Variants in ASCC3 observed in about 807,000 individuals in gnomAD.
ASCC3 encodes ASC-1 complex subunit P200.
Under a neutral mutation model 256.3 loss-of-function variants are expected in ASCC3, and 158 were observed. That is an observed-to-expected ratio of 0.62 (90% confidence interval 0.54 to 0.70). ASCC3 has a LOEUF of 0.70. Ranked by LOEUF, ASCC3 falls within the 30% of genes least tolerant of loss-of-function variation. ASCC3 has a pLI of 0.00. For synonymous variants in ASCC3, 948 were observed against 883.4 expected, an observed-to-expected ratio of 1.07 and a Z score of -1.30; for missense variants, 2,259 against 2,626.0, an observed-to-expected ratio of 0.86 and a Z score of 3.05.
intron 15 of ASCC3, 128 bp downstream of exon 15, chr6:100,662,217 G>A: frequency 8.6e-7 from 1 of 1,162,538 alleles, no homozygotes; most frequent in Non-Finnish European, 1.2e-6. Context: ...AAATAATTCT[G>A]ACCTTTTATA....
intron 4 of ASCC3, among the ~76,000 whole-genome samples, chr6:100,820,973 G>C (rs1771010976): frequency 6.6e-6 from 1 of 152,112 alleles, no homozygotes; most frequent in Non-Finnish European, 1.5e-5. Context: ...AGCAAGTTTT[G>C]GCAAGGATGT....
intron 10 of ASCC3, among the ~76,000 whole-genome samples, chr6:100,734,524 T>G (rs1780055348): frequency 6.6e-6 from 1 of 152,146 alleles, no homozygotes; most frequent in South Asian, 2.1e-4. Context: ...AATTTTCTCA[T>G]CTGTAAAATG....
chr6:100,776,586 T>A (rs1379983951), intron 8 of ASCC3, among the ~76,000 whole-genome samples: 1 of 152,066 alleles, frequency 6.6e-6, no homozygotes, highest in Non-Finnish European at 1.5e-5. Context: ...CCATAGAAAG[T>A]GTATGTTTTG....
chr6:100,850,308 G>C (rs1772603770), intron 3 of ASCC3, among the ~76,000 whole-genome samples: 1 of 151,924 alleles, frequency 6.6e-6, no homozygotes, highest in Non-Finnish European at 1.5e-5. Context: ...CCCACTCTAT[G>C]CCTATTTCTA....
chr6:100,752,082 T>C (rs539965684), intron 10 of ASCC3, among the ~76,000 whole-genome samples: 46 of 152,278 alleles, frequency 3.0e-4, no homozygotes, highest in African/African-American at 1.1e-3. Flanking sequence ...AGAACAGCTG[T>C]GCTTTTCCAG....
intron 8 of ASCC3, among the ~76,000 whole-genome samples, chr6:100,774,244 A>C (rs1782073667): frequency 6.6e-6 from 1 of 152,202 alleles, no homozygotes; most frequent in East Asian, 1.9e-4. Context: ...TGCAACCTCA[A>C]ACTTCTGGGG....
intron 10 of ASCC3, among the ~76,000 whole-genome samples, chr6:100,743,505 G>C (rs1582795682): frequency 6.6e-6 from 1 of 152,076 alleles, no homozygotes; most frequent in East Asian, 1.9e-4. Flanking sequence ...TATCAAAACA[G>C]GCCACCTTTT....
intron 1 of ASCC3, among the ~76,000 whole-genome samples, chr6:100,880,104 T>C (rs577776804): frequency 6.6e-6 from 1 of 152,164 alleles, no homozygotes; most frequent in African/African-American, 2.4e-5. Context: ...AGCTGAACCA[T>C]GAAAAATTAA....
Position 100,696,028 on chromosome 6 carries a change from T to C in ASCC3, c.2152-16276A>G, listed in dbSNP as rs528975828. Reference sequence around the variant, plus strand: ...ACTGTATTTCTGGAGCAGTTACTAATTTAAATGATGGGCTATTTAGAAATG... The same window carrying C: ...ACTGTATTTCTGGAGCAGTTACTAACTTAAATGATGGGCTATTTAGAAATG... On this transcript the variant is annotated intron_variant, in intron 13 of 41. Transcript: ENST00000369162. 3.7e-3 allele frequency among the ~76,000 whole-genome samples: 556 copies of C among 152,304 alleles called. 4 individuals are homozygous for C. The highest frequency in any genetic ancestry group is 0.013 in the African/African-American group (543 of 41,568).
intron 10 of ASCC3, among the ~76,000 whole-genome samples, chr6:100,752,863 A>G (rs1358179661): frequency 6.6e-6 from 1 of 152,210 alleles, no homozygotes; most frequent in Admixed American, 6.5e-5. Flanking sequence ...ATGTAGAAAA[A>G]TATGAGAGTA....
chr6:100,639,774 G>A (rs182711414), intron 24 of ASCC3, among the ~76,000 whole-genome samples: 7 of 152,168 alleles, frequency 4.6e-5, no homozygotes, highest in South Asian at 2.1e-4. Flanking sequence ...GAGGGCTAAC[G>A]ACATACTTTC....
intron 33 of ASCC3, among the ~76,000 whole-genome samples, chr6:100,603,123 C>T (rs1363126188): frequency 6.6e-6 from 1 of 151,682 alleles, no homozygotes; most frequent in Non-Finnish European, 1.5e-5. Context: ...CAACGTTATA[C>T]ATAAGAGGAG....
chr6:100,593,211 CACA>C (rs1175904732), intron 34 of ASCC3, among the ~76,000 whole-genome samples: 1 of 152,014 alleles, frequency 6.6e-6, no homozygotes, highest in Non-Finnish European at 1.5e-5. Context: ...GCTGTTTGAA[CACA>C]ACAATTACTA....
At chr6:100,611,428 C>A (rs1203132140) in intron 30 of ASCC3, among the ~76,000 whole-genome samples, 1 of 151,942 alleles carries the variant, frequency 6.6e-6, no homozygotes, top group African/African-American at 2.4e-5. Context: ...AAATAAGTTT[C>A]ATCTTGATCA....
intron 4 of ASCC3, among the ~76,000 whole-genome samples, chr6:100,824,645 T>C (rs1296674759): frequency 3.3e-5 from 5 of 152,220 alleles, no homozygotes; most frequent in Admixed American, 3.3e-4. Flanking sequence ...CCCTGTTCAA[T>C]AATTTTATCA....
At chr6:100,535,123 T>C (rs1056259704) in intron 37 of ASCC3, among the ~76,000 whole-genome samples, 3 of 152,206 alleles carry the variant, frequency 2.0e-5, no homozygotes, top group Non-Finnish European at 4.4e-5. Flanking sequence ...TATGGCCTTA[T>C]ACTAAAATGG....
At chr6:100,658,703 C>A (rs1351809414) in intron 16 of ASCC3, among the ~76,000 whole-genome samples, 1 of 151,360 alleles carries the variant, frequency 6.6e-6, no homozygotes, top group Non-Finnish European at 1.5e-5. Flanking sequence ...TTGTCTAGGG[C>A]AGAAGATCTG....
intron 36 of ASCC3, among the ~76,000 whole-genome samples, chr6:100,568,786 A>ATTC (rs1770418839): frequency 1.5e-5 from 2 of 137,158 alleles, no homozygotes; most frequent in South Asian, 4.4e-4. Context: ...TATTATTATT[A>ATTC]TTATTTTTTG....
intron 16 of ASCC3, 116 bp from the exon 17 acceptor site, chr6:100,655,934 A>T: frequency 4.0e-6 from 5 of 1,241,826 alleles, no homozygotes; most frequent in Non-Finnish European, 5.8e-6. Context: ...CAGTATTTTT[A>T]AAAAGGTAGG....
Sources: gnomAD v4.1 joint callset for allele counts (sites outside exome capture counted in the v4.1 genomes callset) on GRCh38, gnomAD v4.1.1 for gene constraint, MANE v1.5 for transcripts, NCBI Gene and HGNC (gene_info 2026-07-23, HGNC 2026-07-21) for gene names.